Variants in MTREX observed in about 807,000 individuals in gnomAD.
MTREX encodes exosome RNA helicase MTR4.
Under a neutral mutation model 135.4 loss-of-function variants are expected in MTREX, and 76 were observed. That is an observed-to-expected ratio of 0.56 (90% CI 0.47 to 0.68). The LOEUF is 0.68. Ranked by LOEUF, MTREX falls within the 30% of genes least tolerant of loss-of-function variation. MTREX has a pLI of 0.00. For synonymous variants in MTREX, 404 were observed against 401.6 expected (o/e 1.01, Z -0.07); for missense variants, 920 against 1,262.1 (o/e 0.73, Z 4.11).
intron 1 of MTREX, among the ~76,000 whole-genome samples, chr5:55,311,387 A>G (rs906531667): frequency 6.6e-6 from 1 of 152,238 alleles, no homozygotes; most frequent in African/African-American, 2.4e-5. Context: ...TCAGGATTCA[A>G]ACAAAACCCT....
intron 15 of MTREX, among the ~76,000 whole-genome samples, chr5:55,362,714 A>G (rs899601524): frequency 6.6e-6 from 1 of 152,222 alleles, no homozygotes; most frequent in African/African-American, 2.4e-5. Flanking sequence ...GCTATAAAAA[A>G]AAATCAGTTT....
intron 5 of MTREX, among the ~76,000 whole-genome samples, chr5:55,337,789 TG>T (rs749924816): frequency 1.4e-5 from 2 of 147,014 alleles, no homozygotes; most frequent in Non-Finnish European, 3.0e-5. Flanking sequence ...ATATTTCTCA[TG>T]TTTTTTTTTT....
chr5:55,310,405 C>G (rs982872685), intron 1 of MTREX, among the ~76,000 whole-genome samples: 1 of 152,138 alleles, frequency 6.6e-6, no homozygotes, highest in Non-Finnish European at 1.5e-5. Context: ...GTCAAGAGTT[C>G]GAGACCAGCT....
chr5:55,393,646 C>T (rs913617609), intron 19 of MTREX, among the ~76,000 whole-genome samples: 9 of 152,164 alleles, frequency 5.9e-5, no homozygotes, highest in Admixed American at 4.6e-4. Context: ...GATAAAAATA[C>T]TTCCTGTTAT....
Position 55,424,704 on chromosome 5 carries a change from C to A in MTREX, c.3077-16C>A, listed in dbSNP as rs775262528. The A allele has an allele frequency of 6.2e-7, 1 of 1,602,624 alleles. No individual in the cohort carries two copies. The highest frequency in any genetic ancestry group is 1.3e-5 in the African/African-American group (1 of 74,788). On this transcript the variant is annotated splice_polypyrimidine_tract_variant and intron_variant, in intron 26 of 26. Transcript: ENST00000230640. ...TGTGGTCTTGAAAGTTTAAACCTTA[C>A]TTTCTTTTCTCTTAGGAATCACCAA...
chr5:55,382,397 A>G (rs17683884), intron 18 of MTREX, among the ~76,000 whole-genome samples: 16,554 of 152,066 alleles, frequency 0.11, 1,045 homozygotes, highest in East Asian at 0.26. Context: ...GGGGCTTTCC[A>G]TATACGTATT....
At chr5:55,324,384 T>A (rs2112034085) in intron 3 of MTREX, 186 bp downstream of exon 3, 1 of 279,074 alleles carries the variant, frequency 3.6e-6, no homozygotes, top group Non-Finnish European at 6.6e-6. Flanking sequence ...TCCCCCAGCA[T>A]TTTTCTTAAC....
chr5:55,318,037 A>G (rs951078533), intron 1 of MTREX, among the ~76,000 whole-genome samples: 5 of 152,218 alleles, frequency 3.3e-5, no homozygotes, highest in Admixed American at 2.6e-4. Flanking sequence ...ATCACTGATC[A>G]TTAGAGAATT....
intron 23 of MTREX, among the ~76,000 whole-genome samples, 182 bp downstream of exon 23, chr5:55,410,811 G>A (rs1227177641): frequency 2.0e-5 from 3 of 152,166 alleles, no homozygotes; most frequent in Admixed American, 6.5e-5. Flanking sequence ...CGTATTATTA[G>A]AAAGGAGAAT....
chr5:55,369,829 T>G (rs1750166269), intron 16 of MTREX, among the ~76,000 whole-genome samples: 1 of 152,150 alleles, frequency 6.6e-6, no homozygotes, highest in South Asian at 2.1e-4. Context: ...CACTAACCCG[T>G]GTTATTTCTT....
At chr5:55,365,240 G>A (rs189816436) in intron 15 of MTREX, among the ~76,000 whole-genome samples, 534 of 152,256 alleles carry the variant, frequency 3.5e-3, no homozygotes, top group African/African-American at 0.012. Context: ...AAATTATAAA[G>A]TAGATGAAGT....
intron 18 of MTREX, among the ~76,000 whole-genome samples, chr5:55,379,573 G>GACACACACAC (rs60169736): frequency 2.9e-4 from 42 of 143,902 alleles, no homozygotes; most frequent in Middle Eastern, 3.6e-3. Flanking sequence ...AAATCTCCCT[G>GACACACACAC]ACACACACAC....
chr5:55,347,848 CAAG>C (rs1293370413), intron 11 of MTREX, among the ~76,000 whole-genome samples: 1 of 152,080 alleles, frequency 6.6e-6, no homozygotes, highest in East Asian at 1.9e-4. Flanking sequence ...TGGTGGAAGG[CAAG>C]GAGGAGCAAG....
intron 7 of MTREX, among the ~76,000 whole-genome samples, chr5:55,342,224 G>T (rs892151574): frequency 1.5e-4 from 23 of 152,026 alleles, no homozygotes; most frequent in Non-Finnish European, 2.9e-4. Flanking sequence ...TTTAAATAGT[G>T]GACAACATGA....
At chr5:55,331,844 G>A (rs1285219015) in intron 5 of MTREX, among the ~76,000 whole-genome samples, 2 of 151,926 alleles carry the variant, frequency 1.3e-5, no homozygotes, top group African/African-American at 4.8e-5. Context: ...TCTCTCTTGG[G>A]GCGTACTGTT....
chr5:55,387,422 C>G (rs905770246), intron 18 of MTREX, among the ~76,000 whole-genome samples: 1 of 151,926 alleles, frequency 6.6e-6, no homozygotes, highest in African/African-American at 2.4e-5. Flanking sequence ...TTTAAAAATG[C>G]GGCATTCTGT....
rs544981087 is a variant in MTREX, at chr5:55,424,813, C to G, written c.*41C>G. 2.5e-5 allele frequency: 36 copies of G among 1,448,706 alleles called. No individual in the cohort carries two copies. In the South Asian group the frequency reaches 3.8e-4, roughly 15 times the overall value. The allele number at this position is 1,448,706 out of a possible 1,614,324, so 89.7% of individuals were successfully genotyped here. ...TGTGAGATTTTAAATTATTGACCAC[C>G]TGTTTGATTACAGTTGACTACAAAT... On this transcript the variant is annotated 3_prime_UTR_variant, in exon 27 of 27. Coordinates refer to ENST00000230640, the MANE Select transcript of MTREX (RefSeq NM_015360.5).
chr5:55,308,495 G>C (rs1165735796), intron 1 of MTREX, among the ~76,000 whole-genome samples: 1 of 152,060 alleles, frequency 6.6e-6, no homozygotes, highest in Non-Finnish European at 1.5e-5. Context: ...AGGTGAAAAG[G>C]TTTAGAAAAA....
chr5:55,362,114 T>G (rs1750023725), intron 15 of MTREX, among the ~76,000 whole-genome samples: 1 of 146,404 alleles, frequency 6.8e-6, no homozygotes, highest in South Asian at 2.2e-4. Context: ...TTGTATTTTT[T>G]GTAGAGACAA....
Sources: allele counts gnomAD v4.1 joint callset (sites outside exome capture counted in the v4.1 genomes callset), GRCh38; gene constraint gnomAD v4.1.1; transcripts MANE v1.5; gene names NCBI Gene and HGNC (gene_info 2026-07-23, HGNC 2026-07-21).